DLD: variants seen among roughly 807,000 people sequenced by gnomAD.
The protein encoded by DLD is dihydrolipoamide dehydrogenase, also known as dihydrolipoyl dehydrogenase, mitochondrial.
In DLD, 36 loss-of-function variants were observed where a neutral mutation model predicts 62.2. The observed-to-expected ratio is 0.58, with a 90% confidence interval of 0.44 to 0.76. DLD has a LOEUF of 0.76. Ranked by LOEUF, DLD falls within the 30% of genes least tolerant of loss-of-function variation. The pLI is 0.00. For missense variants in DLD, 541 were observed against 608.6 expected, an observed-to-expected ratio of 0.89 and a Z score of 1.17; for synonymous variants, 204 against 199.6, an observed-to-expected ratio of 1.02 and a Z score of -0.19.
chr7:107,910,692 TA>T (rs756422075), intron 8 of DLD, among the ~76,000 whole-genome samples: 4 of 152,344 alleles, frequency 2.6e-5, no homozygotes, highest in Admixed American at 6.5e-5. Flanking sequence ...GGGATAAAAA[TA>T]ACTAACTTAC....
chr7:107,907,060 T>TTTTGCAATCTTCCC (rs1413760933), intron 8 of DLD, among the ~76,000 whole-genome samples: 4 of 152,240 alleles, frequency 2.6e-5, no homozygotes, highest in African/African-American at 9.6e-5. Context: ...AGATCTACTT[T>TTTTGCAATCTTCCC]TTTGCAATCT....
chr7:107,898,125 C>G (rs2031776298), intron 2 of DLD, among the ~76,000 whole-genome samples: 1 of 151,838 alleles, frequency 6.6e-6, no homozygotes, highest in African/African-American at 2.4e-5. Flanking sequence ...TACTTTAAAC[C>G]TGGTAGGAGC....
Position 107,919,098 on chromosome 7 carries a change from C to G in DLD, c.1463C>G (p.Pro488Arg). ...EDIARVCHAH[P>R]TLSEAFREAN... Reference sequence around the variant, plus strand: ...ATAGCTAGAGTCTGTCATGCACATCCGGTAATTATTAACAACATATAGAAT... The same window carrying G: ...ATAGCTAGAGTCTGTCATGCACATCGGGTAATTATTAACAACATATAGAAT... Residue 488 changes from proline (P) to arginine (R), a missense_variant and splice_region_variant, in exon 13 of 14, where the codon CCG (proline) becomes CGG (arginine). Pro to Arg is a moderately radical substitution (Grantham distance 103). Coordinates refer to ENST00000205402, the MANE Select transcript of DLD (RefSeq NM_000108.5). 1 of 1,613,322 alleles carries G rather than the reference C, an allele frequency of 6.2e-7. No homozygotes were observed. The highest frequency in any genetic ancestry group is 8.5e-7 in the Non-Finnish European group (1 of 1,179,364).
chr7:107,906,266 G>C lies in DLD; in HGVS notation c.583-1G>C, dbSNP rs2032004082. 6.5e-7 allele frequency: 1 copy of C among 1,531,004 alleles called. No homozygotes were observed. The highest frequency in any genetic ancestry group is 9.1e-7 in the Non-Finnish European group (1 of 1,104,904). The allele number at this position is 1,531,004 out of a possible 1,614,324, so 94.8% of individuals were successfully genotyped here. On this transcript the variant is annotated splice_acceptor_variant, in intron 7 of 13. Transcript: ENST00000205402. LOFTEE classifies it high-confidence loss of function. ...GATTATATCTTTTGTTTTTCTTACA[G>C]ATAGATGAAGATACAATAGTGTCAT...
At position 107,905,037 on chromosome 7, in the gene DLD, C is replaced by G. The variant is rs759291025; in HGVS notation, c.417C>G (p.Ala139=). 3.7e-5 allele frequency: 60 copies of G among 1,610,258 alleles called. No individual in the cohort carries two copies. Among genetic ancestry groups the G allele is most frequent in the Non-Finnish European group, 5.0e-5 (59 of 1,177,092 alleles). ...TAVKALTGGI[A]HLFKQNKVVH... is the part of the protein sequence containing the mutation. ...TAAAAGCTTTAACAGGTGGAATTGC[C>G]CACTTATTCAAACAGAATAAGGTCA... The change falls in exon 6 of 14, where the codon GCC becomes GCG. Residue 139 remains alanine, a synonymous_variant. Coordinates refer to ENST00000205402, the MANE Select transcript of DLD (RefSeq NM_000108.5).
chr7:107,891,709 G>C (rs1312110140), intron 1 of DLD: 1 of 280,100 alleles, frequency 3.6e-6, no homozygotes, highest in Non-Finnish European at 7.0e-6. Flanking sequence ...TTTATGCAGT[G>C]GGCAGGTAAC....
intron 7 of DLD, 84 bp downstream of exon 7, chr7:107,905,588 T>C (rs886351527): frequency 2.8e-6 from 4 of 1,453,006 alleles, no homozygotes; most frequent in East Asian, 2.3e-5. Flanking sequence ...TTGTGAACTT[T>C]GAGAGATTTC....
At chr7:107,891,589 C>A in intron 1 of DLD, 2 of 565,496 alleles carry the variant, frequency 3.5e-6, no homozygotes, top group Admixed American at 6.1e-5. Context: ...CCCGGTCACA[C>A]ATAGGCCTCT....
At chr7:107,906,551 T>C (rs1308283791) in intron 8 of DLD, among the ~76,000 whole-genome samples, 183 bp downstream of exon 8, 1 of 152,240 alleles carries the variant, frequency 6.6e-6, no homozygotes, top group Non-Finnish European at 1.5e-5. Context: ...TTTACTCATT[T>C]AGAATGTTCT....
chr7:107,904,101 C>T (rs1187004279), intron 5 of DLD, among the ~76,000 whole-genome samples: 2 of 152,174 alleles, frequency 1.3e-5, no homozygotes, highest in Non-Finnish European at 2.9e-5. Flanking sequence ...CTCTTCTGGG[C>T]AGGACCTAGT....
chr7:107,911,658 T>C (rs921926135), intron 8 of DLD, among the ~76,000 whole-genome samples: 6 of 152,114 alleles, frequency 3.9e-5, no homozygotes, highest in Non-Finnish European at 7.4e-5. Flanking sequence ...ATTGAGCTAT[T>C]CTAGTGGTTG....
intron 2 of DLD, among the ~76,000 whole-genome samples, chr7:107,899,315 T>TA (rs1294992729): frequency 1.3e-5 from 2 of 150,640 alleles, no homozygotes; most frequent in African/African-American, 4.9e-5. Flanking sequence ...ATATTACATC[T>TA]AGTATGTACA....
intron 9 of DLD, 75 bp downstream of exon 9, chr7:107,915,771 T>G: frequency 7.4e-7 from 1 of 1,357,178 alleles, no homozygotes; most frequent in Non-Finnish European, 1.0e-6. Flanking sequence ...CAAAATCAGT[T>G]TAGCAAATAT....
chr7:107,891,602 C>T (rs904245595), intron 1 of DLD: 2 of 545,194 alleles, frequency 3.7e-6, no homozygotes, highest in Non-Finnish European at 6.6e-6. Context: ...AGGCCTCTAC[C>T]TTGGAGGAAG....
chr7:107,916,661 A>G, intron 9 of DLD, 133 bp from the exon 10 acceptor site: 1 of 931,696 alleles, frequency 1.1e-6, no homozygotes, highest in South Asian at 1.4e-5. Flanking sequence ...ACAGAGCAAG[A>G]CTCTGTCTCA....
At chr7:107,903,399 ATCATT>A (rs2031926494) in intron 4 of DLD, 74 bp from the exon 5 acceptor site, 1 of 923,134 alleles carries the variant, frequency 1.1e-6, no homozygotes, top group African/African-American at 1.6e-5. Context: ...AAGAAAGACT[ATCATT>A]TCATAAGTGC....
At chr7:107,901,088 T>C (rs1405201098) in intron 2 of DLD, among the ~76,000 whole-genome samples, 1 of 152,142 alleles carries the variant, frequency 6.6e-6, no homozygotes, top group African/African-American at 2.4e-5. Flanking sequence ...TCTTAAGGTA[T>C]GTAAAAATTA....
intron 11 of DLD, 145 bp from the exon 12 acceptor site, chr7:107,917,779 T>A: frequency 3.0e-6 from 3 of 1,005,960 alleles, no homozygotes; most frequent in Non-Finnish European, 4.5e-6. Flanking sequence ...CATTAACCAG[T>A]CTTCTGGTCT....
At chr7:107,898,477 C>CA (rs1192561717) in intron 2 of DLD, among the ~76,000 whole-genome samples, 5 of 150,504 alleles carry the variant, frequency 3.3e-5, no homozygotes, top group Admixed American at 6.6e-5. Context: ...GACAGGGTTT[C>CA]ACCATGTTAG....
Sources: allele counts gnomAD v4.1 joint callset (sites outside exome capture counted in the v4.1 genomes callset), GRCh38; gene constraint gnomAD v4.1.1; transcripts MANE v1.5; gene names NCBI Gene and HGNC (gene_info 2026-07-23, HGNC 2026-07-21).